RELN: variants seen among roughly 807,000 people sequenced by gnomAD.
RELN encodes reelin.
RELN carries 108 observed loss-of-function variants against 427.6 expected under a neutral mutation model. The ratio of observed to expected loss-of-function variants is 0.25; its 90% CI spans 0.22 to 0.30. The LOEUF (loss-of-function observed/expected upper bound fraction) is 0.30, where lower values mean the gene tolerates loss of function less well. RELN is among the 10% of genes least tolerant of loss of function. The pLI, the probability that RELN is intolerant of heterozygous loss-of-function variation, is 1.00. For synonymous variants in RELN, 1,524 were observed against 1,513.4 expected (o/e 1.01, Z -0.16); for missense variants, 3,715 against 4,302.8 (o/e 0.86, Z 3.82).
intron 1 of RELN, among the ~76,000 whole-genome samples, chr7:103,954,839 G>T (rs546630859): frequency 6.6e-6 from 1 of 152,260 alleles, no homozygotes; most frequent in South Asian, 2.1e-4. Flanking sequence ...AAAGCACAAT[G>T]ACAGAAGTAA....
At chr7:103,543,137 T>C in intron 42 of RELN, among the ~76,000 whole-genome samples, 1 of 152,126 alleles carries the variant, frequency 6.6e-6, no homozygotes, top group South Asian at 2.1e-4. Flanking sequence ...GCTAGATGGA[T>C]CCCTCCTTTC....
Position 103,557,456 on chromosome 7 carries a change from G to A in RELN, c.5615-297C>T, listed in dbSNP as rs28617196. Among the ~76,000 whole-genome samples, 732 of 152,184 alleles carry A rather than the reference G, an allele frequency of 4.8e-3. 8 individuals are homozygous for A. The highest frequency in any genetic ancestry group is 0.017 in the African/African-American group (695 of 41,522). On this transcript the variant is annotated intron_variant, in intron 37 of 64. Coordinates refer to ENST00000428762, the MANE Select transcript of RELN (RefSeq NM_005045.4). ...TACATCAAAACATTTTGATTCTACA[G>A]GCATCACGATTTTACAAAGGGTCAA...
chr7:103,631,214 T>C (rs1204678072), intron 19 of RELN, among the ~76,000 whole-genome samples: 1 of 143,288 alleles, frequency 7.0e-6, no homozygotes. Context: ...TATTTTCCAA[T>C]AGAAGAAAAC....
Position 103,620,297 on chromosome 7 carries a change from C to T in RELN, c.2703-8494G>A, listed in dbSNP as rs1305286409. Among the ~76,000 whole-genome samples, 1 of 152,112 alleles carries T rather than the reference C, an allele frequency of 6.6e-6. No homozygotes were observed. Among genetic ancestry groups the T allele is most frequent in the African/African-American group, 2.4e-5 (1 of 41,416 alleles). On this transcript the variant is annotated intron_variant, in intron 20 of 64. Coordinates refer to ENST00000428762, the MANE Select transcript of RELN (RefSeq NM_005045.4). This position sits in a 1 kb window ranked among gnomAD's most constrained non-coding sequence, Gnocchi z 4.1. ...CTGTGAGTCCATTAAATCTCTTTTT[C>T]TTTATAAATTGTCCAGTCTCAGGTA... is the stretch of plus-strand genomic sequence containing the variant.
At chr7:103,727,919 C>A (rs1790254079) in intron 7 of RELN, among the ~76,000 whole-genome samples, 192 bp downstream of exon 7, 1 of 143,666 alleles carries the variant, frequency 7.0e-6, no homozygotes, top group Non-Finnish European at 1.6e-5. Flanking sequence ...AATTTTATTA[C>A]TGAATTATTT....
intron 3 of RELN, among the ~76,000 whole-genome samples, chr7:103,805,357 A>C (rs1792572805): frequency 6.6e-6 from 1 of 152,230 alleles, no homozygotes; most frequent in Non-Finnish European, 1.5e-5. Flanking sequence ...CTTTAGATAT[A>C]CGAACGTGCA....
chr7:103,880,302 A>G (rs546046629), intron 2 of RELN, among the ~76,000 whole-genome samples: 1 of 152,280 alleles, frequency 6.6e-6, no homozygotes, highest in African/African-American at 2.4e-5. Flanking sequence ...CATAGAATAG[A>G]ATTTTATAAA....
intron 27 of RELN, among the ~76,000 whole-genome samples, chr7:103,590,708 T>A (rs953649594): frequency 6.6e-6 from 1 of 152,170 alleles, no homozygotes; most frequent in Non-Finnish European, 1.5e-5. Context: ...GGTGTACTTG[T>A]ATGGAGGACT....
intron 3 of RELN, among the ~76,000 whole-genome samples, chr7:103,779,752 G>A (rs146733118): frequency 6.6e-6 from 1 of 152,220 alleles, no homozygotes; most frequent in Admixed American, 6.5e-5. Context: ...CTGTTGAGAT[G>A]GAGTCTTGCT....
chr7:103,741,802 G>C (rs988268403), intron 6 of RELN, among the ~76,000 whole-genome samples: 2 of 152,130 alleles, frequency 1.3e-5, no homozygotes, highest in Non-Finnish European at 2.9e-5. Flanking sequence ...GAAGATATTT[G>C]AGGGGGAGAA....
chr7:103,665,356 GTGTGTGTATA>G (rs1833239168), intron 11 of RELN, among the ~76,000 whole-genome samples: 2 of 129,238 alleles, frequency 1.5e-5, no homozygotes, highest in South Asian at 2.4e-4. Flanking sequence ...GTGTGTGTGT[GTGTGTGTATA>G]TATATATATA....
intron 41 of RELN, among the ~76,000 whole-genome samples, chr7:103,547,275 G>A (rs911800472): frequency 6.6e-6 from 1 of 152,142 alleles, no homozygotes; most frequent in Admixed American, 6.5e-5. Flanking sequence ...ATAGTAAAGC[G>A]ACAGATTCAA....
intron 2 of RELN, among the ~76,000 whole-genome samples, chr7:103,879,976 T>C (rs1307304593): frequency 3.3e-5 from 5 of 152,094 alleles, no homozygotes; most frequent in Non-Finnish European, 2.9e-5. Context: ...TTTATCAAAA[T>C]ATCACAAAAA....
intron 2 of RELN, among the ~76,000 whole-genome samples, chr7:103,848,928 G>C (rs1453591214): frequency 1.3e-5 from 2 of 152,226 alleles, no homozygotes; most frequent in African/African-American, 2.4e-5. Context: ...TCTGCAATGG[G>C]AAGATATTGT....
chr7:103,526,182 T>C (rs2299332), intron 46 of RELN, among the ~76,000 whole-genome samples: 7,261 of 152,324 alleles, frequency 0.048, 248 homozygotes, highest in East Asian at 0.17. Flanking sequence ...TTAATCACAA[T>C]GTGGGCAACC....
intron 22 of RELN, among the ~76,000 whole-genome samples, chr7:103,606,196 G>A (rs1831815110): frequency 6.6e-6 from 1 of 152,106 alleles, no homozygotes; most frequent in Non-Finnish European, 1.5e-5. Context: ...CCACGGCCAC[G>A]GGTGACTAGA....
At chr7:103,717,824 T>C (rs1175210992) in intron 8 of RELN, among the ~76,000 whole-genome samples, 1 of 152,040 alleles carries the variant, frequency 6.6e-6, no homozygotes, top group Non-Finnish European at 1.5e-5. Context: ...TTTCAGTAAG[T>C]TCGTGGAGGA....
chr7:103,575,823 T>G (rs1380354442), intron 28 of RELN, 118 bp from the exon 29 acceptor site: 2 of 1,096,524 alleles, frequency 1.8e-6, no homozygotes, highest in Non-Finnish European at 2.8e-6. Flanking sequence ...AAGTCATGTC[T>G]GCTTGACTGC....
At chr7:103,960,041 C>A (rs957963207) in intron 1 of RELN, among the ~76,000 whole-genome samples, 1 of 152,262 alleles carries the variant, frequency 6.6e-6, no homozygotes, top group East Asian at 1.9e-4. Context: ...CCTCTGCCCC[C>A]ACTCCCCTCC....
Sources: allele counts gnomAD v4.1 joint callset (sites outside exome capture counted in the v4.1 genomes callset), GRCh38; gene constraint gnomAD v4.1.1; non-coding constraint Gnocchi (gnomAD v3.1); transcripts MANE v1.5; gene names NCBI Gene and HGNC (gene_info 2026-07-23, HGNC 2026-07-21).